FAT4: variants seen among roughly 807,000 people sequenced by gnomAD.
FAT4 encodes FAT atypical cadherin 4.
FAT4 carries 84 observed loss-of-function variants against 303.9 expected under a neutral mutation model. The observed-to-expected ratio is 0.28, with a 90% CI of 0.23 to 0.33. The LOEUF (loss-of-function observed/expected upper bound fraction) is 0.33, where lower values mean the gene tolerates loss of function less well. FAT4 is among the 10% of genes least tolerant of loss of function. FAT4 has a pLI of 1.00. For synonymous variants in FAT4, 2,307 were observed against 2,298.8 expected, an observed-to-expected ratio of 1.00 and a Z score of -0.10; for missense variants, 6,005 against 6,146.8, an observed-to-expected ratio of 0.98 and a Z score of 0.77.
chr4:125,390,574 A>G (rs1051916869), intron 2 of FAT4, among the ~76,000 whole-genome samples: 1 of 152,174 alleles, frequency 6.6e-6, no homozygotes, highest in African/African-American at 2.4e-5. Flanking sequence ...TGAATGTAAG[A>G]TTAGAGTTTT....
chr4:125,410,205 CA>C (rs1734790285), intron 5 of FAT4, among the ~76,000 whole-genome samples: 1 of 152,026 alleles, frequency 6.6e-6, no homozygotes, highest in Non-Finnish European at 1.5e-5. Flanking sequence ...AAATTGGGCA[CA>C]AAGATATATC....
rs764097811 is a variant in FAT4 at position 125,450,323 on chromosome 4, A to G, written c.9313A>G (p.Ser3105Gly). The G allele has an allele frequency of 8.1e-6, 13 of 1,613,982 alleles. No individual in the cohort carries two copies. Among genetic ancestry groups the G allele is most frequent in the South Asian group, 4.4e-5 (4 of 91,086 alleles). ...HMSATIPESHSIGSIVRTVSA... is the reference protein window; with the variant it reads ...HMSATIPESHGIGSIVRTVSA... ...GAGTGCAACCATCCCTGAGAGCCAT[A>G]GCATTGGGTCCATTGTCAGAACTGT... Residue 3105 changes from serine to glycine, a missense_variant, in exon 10 of 18, where the codon AGC (serine) becomes GGC (glycine). Ser to Gly is a moderately conservative substitution (Grantham distance 56). Transcript: ENST00000394329.
At chr4:125,418,179 CTG>C (rs1289078180) in intron 7 of FAT4, among the ~76,000 whole-genome samples, 5 of 152,106 alleles carry the variant, frequency 3.3e-5, no homozygotes, top group African/African-American at 1.2e-4. Flanking sequence ...TTTCTCAAAT[CTG>C]TAGTGTTCTA....
chr4:125,365,580 A>T (rs907800703), intron 2 of FAT4, among the ~76,000 whole-genome samples: 1 of 152,216 alleles, frequency 6.6e-6, no homozygotes, highest in African/African-American at 2.4e-5. Flanking sequence ...ATACTTGAGG[A>T]TAGCAAGACT....
rs756484914 is a variant in FAT4, at chr4:125,451,268, C to T, written c.10258C>T (p.Pro3420Ser). 2 of 1,613,964 alleles carry T rather than the reference C, an allele frequency of 1.2e-6. No homozygotes were observed. The highest frequency in any genetic ancestry group is 1.1e-5 in the South Asian group (1 of 91,060). The change falls in exon 10 of 18, where the codon CCA (proline) becomes TCA (serine). Residue 3420 changes from proline to serine, a missense_variant. By Grantham distance (74) the Pro-to-Ser change is moderately conservative. Coordinates refer to ENST00000394329, the MANE Select transcript of FAT4 (RefSeq NM_001291303.3). ...IYSVQISEGV[P>S]IGTHVTFVSA... is the part of the protein sequence containing the mutation. ...CAGTGTGCAGATCAGTGAAGGGGTCCCAATAGGAACTCATGTGACCTTTGT... is the reference window on the plus strand; with the variant it reads ...CAGTGTGCAGATCAGTGAAGGGGTCTCAATAGGAACTCATGTGACCTTTGT...
chr4:125,439,863 G>A (rs546272570), intron 8 of FAT4, among the ~76,000 whole-genome samples: 1 of 152,188 alleles, frequency 6.6e-6, no homozygotes, highest in Admixed American at 6.5e-5. Flanking sequence ...CATGGCCTAG[G>A]AAAGTCATTT....
intron 10 of FAT4, among the ~76,000 whole-genome samples, chr4:125,462,396 C>T (rs1373773486): frequency 9.9e-5 from 15 of 151,734 alleles, no homozygotes; most frequent in Admixed American, 9.9e-4. Context: ...AAAGTAACTT[C>T]CAGAAACAAA....
At chr4:125,397,418 A>G (rs1400549156) in intron 2 of FAT4, among the ~76,000 whole-genome samples, 4 of 152,096 alleles carry the variant, frequency 2.6e-5, no homozygotes, top group Non-Finnish European at 5.9e-5. Flanking sequence ...TGCATCTTCC[A>G]GGCTGCAGTT....
intron 2 of FAT4, among the ~76,000 whole-genome samples, chr4:125,397,112 A>G (rs1734217004): frequency 6.6e-6 from 1 of 151,978 alleles, no homozygotes; most frequent in Non-Finnish European, 1.5e-5. Flanking sequence ...TGGCTCTAAG[A>G]AGCTTCCAGA....
At chr4:125,369,967 G>A (rs1394560201) in intron 2 of FAT4, among the ~76,000 whole-genome samples, 1 of 151,732 alleles carries the variant, frequency 6.6e-6, no homozygotes, top group Non-Finnish European at 1.5e-5. Context: ...TTTTTTTAAA[G>A]ACCGAATAGT....
At chr4:125,329,524 A>T (rs1731294615) in intron 2 of FAT4, among the ~76,000 whole-genome samples, 1 of 152,166 alleles carries the variant, frequency 6.6e-6, no homozygotes, top group African/African-American at 2.4e-5. Context: ...GTGTTGGAAC[A>T]TCCCTAAAGC....
chr4:125,440,944 C>T lies in FAT4; in HGVS notation c.7200-5349C>T, dbSNP rs556400142. Among the ~76,000 whole-genome samples the T allele has an allele frequency of 2.6e-5, 4 of 152,262 alleles. No individual in the cohort carries two copies. The South Asian group carries it at 6.2e-4, about 24-fold the overall frequency. The stretch of plus-strand genomic sequence containing the variant: ...AATCAGTGGACAAATTCTCATGTTT[C>T]TTCTTTTCTAATGCATCTGGCACCC... On this transcript the variant is annotated intron_variant, in intron 8 of 17. Coordinates refer to ENST00000394329, the MANE Select transcript of FAT4 (RefSeq NM_001291303.3).
At chr4:125,406,827 G>A (rs1734630158) in intron 3 of FAT4, 53 bp from the exon 4 acceptor site, 3 of 1,564,576 alleles carry the variant, frequency 1.9e-6, no homozygotes, top group Non-Finnish European at 1.7e-6. Flanking sequence ...GAAAATATAA[G>A]GAGCAATGCT....
At chr4:125,468,902 T>C in intron 12 of FAT4, 83 bp downstream of exon 12, 4 of 1,388,628 alleles carry the variant, frequency 2.9e-6, no homozygotes, top group Non-Finnish European at 3.9e-6. Flanking sequence ...TCATGTTAAA[T>C]TAGGTTTATT....
chr4:125,479,075 C>T (rs1000549573), intron 14 of FAT4, among the ~76,000 whole-genome samples: 3 of 152,166 alleles, frequency 2.0e-5, no homozygotes, highest in East Asian at 3.9e-4. Context: ...TCAAGGCTTT[C>T]TCACTGGCTG....
At chr4:125,423,463 A>G (rs1407032856) in intron 7 of FAT4, among the ~76,000 whole-genome samples, 2 of 152,202 alleles carry the variant, frequency 1.3e-5, no homozygotes, top group Admixed American at 6.5e-5. Flanking sequence ...AAGTTTCCAC[A>G]TGGTGTTGAG....
intron 9 of FAT4, among the ~76,000 whole-genome samples, chr4:125,448,008 G>T (rs1288313764): frequency 6.6e-6 from 1 of 152,026 alleles, no homozygotes; most frequent in African/African-American, 2.4e-5. Context: ...TTGTTGACAA[G>T]ATTACATATA....
rs1478213287 is a variant in FAT4, at chr4:125,320,523, G to A, written c.4112G>A (p.Ser1371Asn). Residue 1371 changes from serine to asparagine, a missense_variant, in exon 2 of 18, where the codon AGT becomes AAT. By Grantham distance (46) the Ser-to-Asn change is conservative. Coordinates refer to ENST00000394329, the MANE Select transcript of FAT4 (RefSeq NM_001291303.3). ...TTTAGCATTAGCCCAAACACTGGGA[G>A]TATTTTTCTTGCCAAAAAACTGGAC... ...GTFSISPNTG[S>N]IFLAKKLDFE... 2 of 1,613,968 alleles carry A rather than the reference G, an allele frequency of 1.2e-6. No homozygotes were observed. Among genetic ancestry groups the A allele is most frequent in the Admixed American group, 1.7e-5 (1 of 60,004 alleles).
intron 14 of FAT4, among the ~76,000 whole-genome samples, chr4:125,477,688 G>T (rs548059417): frequency 2.6e-5 from 4 of 151,880 alleles, no homozygotes; most frequent in African/African-American, 9.7e-5. Flanking sequence ...AGCCATCATG[G>T]ACACATAGAA....
Sources: allele counts gnomAD v4.1 joint callset (sites outside exome capture counted in the v4.1 genomes callset), GRCh38; gene constraint gnomAD v4.1.1; transcripts MANE v1.5; gene names NCBI Gene and HGNC (gene_info 2026-07-23, HGNC 2026-07-21).